The following PKD1 variants were observed in gnomAD, a reference collection of about 807,000 sequenced individuals.
PKD1 encodes the protein polycystin 1, transient receptor potential channel interacting.
A neutral mutation model predicts 361.7 loss-of-function variants in PKD1; 81 were observed. The observed-to-expected ratio is 0.22, with a 90% CI of 0.19 to 0.27. The LOEUF (loss-of-function observed/expected upper bound fraction) is 0.27, where lower values mean the gene tolerates loss of function less well. Among genes scored for constraint, PKD1 ranks in the 10% least tolerant of loss-of-function variants. The probability of loss-of-function intolerance (pLI) is 1.00; values close to 1 mark genes in which losing one functional copy is unlikely to be tolerated. For synonymous variants in PKD1, 3,615 were observed against 2,818.3 expected, an observed-to-expected ratio of 1.28 and a Z score of -8.95; for missense variants, 6,399 against 6,118.3, an observed-to-expected ratio of 1.05 and a Z score of -1.53.
chr16:2,123,559 C>T (rs1184339338), intron 1 of PKD1: 1 of 451,914 alleles, frequency 2.2e-6, no homozygotes, highest in South Asian at 1.6e-5. Context: ...CTCGCGCCAG[C>T]CCCCCCACCC....
At chr16:2,105,735 G>C in intron 20 of PKD1, 130 bp downstream of exon 20, 1 of 1,298,890 alleles carries the variant, frequency 7.7e-7, no homozygotes, top group Non-Finnish European at 1.1e-6. Context: ...TCGGGGTGCT[G>C]CTTCAGGGTC....
In PKD1 at chr16:2,108,510, C is replaced by T. The variant is rs762530276; in HGVS notation, c.6657G>A (p.Pro2219=). Residue 2219 remains proline (P), a synonymous_variant, in exon 15 of 46, where the codon CCG becomes CCA. Transcript: ENST00000262304. ...VDVSRPRLVL[P]RLALPVGHYC... is the part of the protein sequence containing the mutation. ...AGTGCCCCACAGGCAGCGCCAGCCG[C>T]GGCAGCACCAGCCGAGGCCGGCTCA... 12 of 1,608,750 alleles carry T rather than the reference C, an allele frequency of 7.5e-6. No individual in the cohort carries two copies. Among genetic ancestry groups the T allele is most frequent in the East Asian group, 4.5e-5 (2 of 44,868 alleles).
chr16:2,119,965 C>A (rs901331251), intron 1 of PKD1: 2 of 604,046 alleles, frequency 3.3e-6, no homozygotes, highest in African/African-American at 3.7e-5. Context: ...GGTAACACAG[C>A]ACCGTGGGAG....
At chr16:2,098,117 G>A (rs2091922382) in intron 30 of PKD1, 133 bp from the exon 31 acceptor site, 1 of 649,888 alleles carries the variant, frequency 1.5e-6, no homozygotes. Context: ...CTGGATATAT[G>A]GGACATCTGC....
At position 2,109,604 on chromosome 16, in the gene PKD1, C is replaced by T. The variant is rs754493522; in HGVS notation, c.5563G>A (p.Val1855Ile). ...GAGAAGGTGCCAGCATCCGGGAAGA[C>T]CATGGTGACATGAGGGCCACGCTTG... ...SSKRGPHVTM[V>I]FPDAGTFSIR... Residue 1855 changes from valine to isoleucine, a missense_variant, in exon 15 of 46, where the codon GTC becomes ATC. Val to Ile is a conservative substitution (Grantham distance 29). Transcript: ENST00000262304. The T allele has an allele frequency of 1.9e-6, 3 of 1,610,564 alleles. No homozygotes were observed. In the South Asian group the frequency reaches 3.3e-5, roughly 18 times the overall value.
intron 14 of PKD1, 28 bp from the exon 15 acceptor site, chr16:2,111,899 C>G: frequency 6.2e-7 from 1 of 1,608,410 alleles, no homozygotes; most frequent in Non-Finnish European, 8.5e-7. Context: ...AGTGGGGCAG[C>G]CGCGGCACCC....
chr16:2,106,725 G>C lies in PKD1; in HGVS notation c.7210-48C>G, dbSNP rs1011045334. ...GGGGGCGCAACCCTCTGCCCTGTCAGCCCCACTTCTGCCTGCAGGCCCCGT... is the reference window on the plus strand; with the variant it reads ...GGGGGCGCAACCCTCTGCCCTGTCACCCCCACTTCTGCCTGCAGGCCCCGT... On this transcript the variant is annotated intron_variant, in intron 17 of 45. Coordinates refer to ENST00000262304, the MANE Select transcript of PKD1 (RefSeq NM_001009944.3). The surrounding 1 kb of genome is among the most constrained non-coding windows in gnomAD (Gnocchi z 6.5). 1 of 1,538,250 alleles carries C rather than the reference G, an allele frequency of 6.5e-7. No individual in the cohort carries two copies. The highest frequency in any genetic ancestry group is 1.8e-5 in the Admixed American group (1 of 56,796).
At chr16:2,097,112 T>C in intron 34 of PKD1, 36 bp downstream of exon 34, 1 of 1,235,988 alleles carries the variant, frequency 8.1e-7, no homozygotes, top group Non-Finnish European at 1.1e-6. Flanking sequence ...GCCCCTCCTC[T>C]GGCAATCCCC....
intron 1 of PKD1, among the ~76,000 whole-genome samples, chr16:2,126,261 A>G (rs1166494804): frequency 6.6e-6 from 1 of 152,232 alleles, no homozygotes; most frequent in African/African-American, 2.4e-5. Context: ...CGCTGGCCTC[A>G]TTCCTGCCTC....
chr16:2,097,645 G>T, intron 32 of PKD1, 83 bp downstream of exon 32: 1 of 1,610,614 alleles, frequency 6.2e-7, no homozygotes, highest in Non-Finnish European at 8.5e-7. Context: ...CAGACACCCA[G>T]CAAGGACACG....
intron 30 of PKD1, chr16:2,099,023 G>A (rs1158511641): frequency 5.7e-6 from 1 of 175,654 alleles, no homozygotes; most frequent in South Asian, 1.2e-4. Context: ...GTAGAGTCGG[G>A]GTTTCATTGT....
intron 1 of PKD1, among the ~76,000 whole-genome samples, chr16:2,120,793 T>C (rs539906057): frequency 6.6e-6 from 1 of 152,050 alleles, no homozygotes; most frequent in African/African-American, 2.4e-5. Flanking sequence ...CCAAGGTGGG[T>C]GGATCATGAG....
In PKD1 at chr16:2,102,489, C is replaced by A. The variant is rs1159235832; in HGVS notation, c.9093G>T (p.Leu3031=). ...EDMVWRTEGL[L]PLEETSPRQA... ...GGCGGGGCGAGGTCTCCTCCAGGGG[C>A]AGCAGCCCCTCTGTCCGCCACACCA... is the stretch of plus-strand genomic sequence containing the variant. The change falls in exon 25 of 46, where the codon CTG becomes CTT. Residue 3031 remains leucine (L), a synonymous_variant. Coordinates refer to ENST00000262304, the MANE Select transcript of PKD1 (RefSeq NM_001009944.3). 1.0e-5 allele frequency: 16 copies of A among 1,575,994 alleles called. No homozygotes were observed. In the Admixed American group the frequency reaches 2.4e-4, roughly 24 times the overall value.
chr16:2,092,283 C>G, intron 39 of PKD1, 95 bp from the exon 40 acceptor site: 2 of 1,381,356 alleles, frequency 1.4e-6, no homozygotes, highest in East Asian at 2.5e-5. Flanking sequence ...TCTGGTTCGG[C>G]GCCACCCCAG....
chr16:2,124,049 C>T (rs1324664084), intron 1 of PKD1, among the ~76,000 whole-genome samples: 1 of 152,194 alleles, frequency 6.6e-6, no homozygotes. Flanking sequence ...TGGGGCACCA[C>T]TGGGTGGAGA....
At position 2,117,061 on chromosome 16, in the gene PKD1, C is replaced by A. The variant is rs777690708; in HGVS notation, c.1386-8G>T. On this transcript the variant is annotated splice_region_variant and splice_polypyrimidine_tract_variant and intron_variant, in intron 6 of 45. Coordinates refer to ENST00000262304, the MANE Select transcript of PKD1 (RefSeq NM_001009944.3). ...ATCCACACGTCTAGGCTCCTGGGGGCGGGTGTGGGATGGCAGGGGGCTCAG... is the reference window on the plus strand; with the variant it reads ...ATCCACACGTCTAGGCTCCTGGGGGAGGGTGTGGGATGGCAGGGGGCTCAG... 2 of 1,525,120 alleles carry A rather than the reference C, an allele frequency of 1.3e-6. No homozygotes were observed. The highest frequency in any genetic ancestry group is 2.3e-5 in the East Asian group (1 of 43,588). 94.5% of individuals were successfully genotyped at this position (1,525,120 alleles called of 1,614,324 possible). A position where few individuals can be genotyped will look rare whatever the true frequency, so the allele number is the denominator to read the frequency against.
At chr16:2,094,418 G>A (rs572630678) in intron 34 of PKD1, among the ~76,000 whole-genome samples, 50 of 152,296 alleles carry the variant, frequency 3.3e-4, no homozygotes, top group African/African-American at 1.1e-3. Context: ...GAAGTCAGGC[G>A]TCCGCCTGCG....
Position 2,094,088 on chromosome 16 carries a change from A to C in PKD1, c.10618+4T>G. 1.9e-6 allele frequency: 3 copies of C among 1,590,732 alleles called. No homozygotes were observed. The highest frequency in any genetic ancestry group is 2.6e-6 in the Non-Finnish European group (3 of 1,167,158). The stretch of plus-strand genomic sequence containing the variant: ...AGGGGCATCCCGGGGCTACGCAAGC[A>C]CACCTGTCCTGGACAGCCTCGCTGC... On this transcript the variant is annotated splice_donor_region_variant and intron_variant, in intron 35 of 45. Coordinates refer to ENST00000262304, the MANE Select transcript of PKD1 (RefSeq NM_001009944.3).
Position 2,103,905 on chromosome 16 carries a change from T to G in PKD1, c.8162-10A>C, listed in dbSNP as rs575949394. On this transcript the variant is annotated splice_polypyrimidine_tract_variant and intron_variant, in intron 22 of 45. Coordinates refer to ENST00000262304, the MANE Select transcript of PKD1 (RefSeq NM_001009944.3). The stretch of plus-strand genomic sequence containing the variant: ...AGGTGGATGAGGTCTCCTGCAGACA[T>G]GCGTGAGGTCAGTGCAGAGACAGGG... 130 of 1,336,712 alleles carry G rather than the reference T, an allele frequency of 9.7e-5. No homozygotes were observed. The highest frequency in any genetic ancestry group is 3.1e-4 in the Middle Eastern group (1 of 3,256). The allele number at this position is 1,336,712 out of a possible 1,614,324, so 82.8% of individuals were successfully genotyped here.
Sources: gnomAD v4.1 joint callset for allele counts (sites outside exome capture counted in the v4.1 genomes callset) on GRCh38, gnomAD v4.1.1 for gene constraint, Gnocchi (gnomAD v3.1) non-coding constraint, MANE v1.5 for transcripts, NCBI Gene and HGNC (gene_info 2026-07-23, HGNC 2026-07-21) for gene names.